Variants in NFIA observed in about 807,000 individuals in gnomAD.
The protein encoded by NFIA is nuclear factor I A.
NFIA carries 8 observed loss-of-function variants against 62.8 expected under a neutral mutation model. That is an observed-to-expected ratio of 0.13 (90% CI 0.07 to 0.23). The LOEUF (loss-of-function observed/expected upper bound fraction) is 0.23. NFIA is among the 10% of genes least tolerant of loss of function. The probability of loss-of-function intolerance (pLI) is 1.00; values close to 1 mark genes in which losing one functional copy is unlikely to be tolerated. For synonymous variants in NFIA, 235 were observed against 238.1 expected, an observed-to-expected ratio of 0.99 and a Z score of 0.12; for missense variants, 410 against 642.1, an observed-to-expected ratio of 0.64 and a Z score of 3.91.
At chr1:61,226,583 T>C (rs771428497) in intron 2 of NFIA, among the ~76,000 whole-genome samples, 23 of 152,192 alleles carry the variant, frequency 1.5e-4, no homozygotes, top group Non-Finnish European at 2.8e-4. Context: ...TGAAAAGGGA[T>C]CTGCAAAGTC....
At chr1:61,408,583 G>GCAAT (rs1440886503) in intron 9 of NFIA, among the ~76,000 whole-genome samples, 1 of 152,130 alleles carries the variant, frequency 6.6e-6, no homozygotes, top group Non-Finnish European at 1.5e-5. Context: ...ATAGTAATAT[G>GCAAT]CAATCAATTC....
intron 6 of NFIA, among the ~76,000 whole-genome samples, chr1:61,379,715 T>G (rs564201196): frequency 1.3e-5 from 2 of 152,034 alleles, no homozygotes; most frequent in Non-Finnish European, 2.9e-5. Flanking sequence ...CTCAGCTAAC[T>G]TTTAAAAATT....
chr1:61,341,930 G>A (rs1274278024), intron 4 of NFIA, among the ~76,000 whole-genome samples: 1 of 152,122 alleles, frequency 6.6e-6, no homozygotes, highest in Non-Finnish European at 1.5e-5. Flanking sequence ...CCCTGCAGTA[G>A]GGCCACAAAT....
intron 3 of NFIA, among the ~76,000 whole-genome samples, chr1:61,278,247 G>A (rs576056179): frequency 6.6e-6 from 1 of 152,166 alleles, no homozygotes; most frequent in East Asian, 1.9e-4. Context: ...TTCGTGGCAG[G>A]CACTACAAGT....
intron 2 of NFIA, among the ~76,000 whole-genome samples, chr1:61,092,817 A>G (rs1200510524): frequency 2.0e-5 from 3 of 152,166 alleles, no homozygotes; most frequent in African/African-American, 7.2e-5. Flanking sequence ...TGACAGATTG[A>G]GAATTCACTT....
chr1:61,294,059 A>G (rs1166152820), intron 3 of NFIA, among the ~76,000 whole-genome samples: 1 of 152,244 alleles, frequency 6.6e-6, no homozygotes, highest in East Asian at 1.9e-4. Flanking sequence ...CAGTGGTCAG[A>G]TTCCCACATT....
At chr1:61,077,508 G>C, upstream of NFIA, 1 of 915,482 alleles carries the variant, frequency 1.1e-6, no homozygotes, top group Non-Finnish European at 1.5e-6. Flanking sequence ...ATCTCTTCCG[G>C]GTTTTCAACG....
intron 4 of NFIA, among the ~76,000 whole-genome samples, chr1:61,348,722 A>T (rs998786827): frequency 1.3e-5 from 2 of 152,204 alleles, no homozygotes; most frequent in African/African-American, 4.8e-5. Flanking sequence ...GTGCAGCTGG[A>T]TGTTCACCAC....
intron 2 of NFIA, among the ~76,000 whole-genome samples, chr1:61,101,224 C>T (rs1364853916): frequency 1.3e-5 from 2 of 151,648 alleles, no homozygotes; most frequent in Non-Finnish European, 2.9e-5. Context: ...GGAGAAACTC[C>T]GTCTCTACTG....
At chr1:61,206,086 C>A (rs1184936851) in intron 2 of NFIA, among the ~76,000 whole-genome samples, 1 of 151,724 alleles carries the variant, frequency 6.6e-6, no homozygotes, top group Non-Finnish European at 1.5e-5. Flanking sequence ...TTTTTATGCC[C>A]AACTAATGTT....
At chr1:61,269,950 C>G (rs12085978) in intron 2 of NFIA, among the ~76,000 whole-genome samples, 6,091 of 152,264 alleles carry the variant, frequency 0.04, 336 homozygotes, top group African/African-American at 0.13. Flanking sequence ...GATAAACAGA[C>G]TTAACACACA....
At chr1:61,241,997 G>A (rs989802755) in intron 2 of NFIA, among the ~76,000 whole-genome samples, 1 of 152,102 alleles carries the variant, frequency 6.6e-6, no homozygotes, top group African/African-American at 2.4e-5. Flanking sequence ...GTGCCTTTTT[G>A]TACTGCTTGC....
At position 61,203,340 on chromosome 1, in the gene NFIA, G is replaced by A. The variant is rs75121004; in HGVS notation, c.560-74180G>A. 1.3e-4 allele frequency among the ~76,000 whole-genome samples: 20 copies of A among 152,222 alleles called. No individual in the cohort carries two copies. The East Asian group carries it at 2.9e-3, about 22-fold the overall frequency. ...ACAGGGAGAAAGTATAAAAGTGAGC[G>A]CTTCAAGTGCTCTAGTGTACATGTC... On this transcript the variant is annotated intron_variant, in intron 2 of 10. Coordinates refer to ENST00000403491, the MANE Select transcript of NFIA (RefSeq NM_001134673.4).
At chr1:61,193,711 A>G (rs540990202) in intron 2 of NFIA, among the ~76,000 whole-genome samples, 7 of 152,352 alleles carry the variant, frequency 4.6e-5, no homozygotes, top group Admixed American at 4.6e-4. Context: ...AACAAGCTGC[A>G]AAACCACTAG....
intron 10 of NFIA, among the ~76,000 whole-genome samples, chr1:61,446,148 C>T (rs1005978478): frequency 6.6e-6 from 1 of 152,198 alleles, no homozygotes; most frequent in Non-Finnish European, 1.5e-5. Flanking sequence ...GTTCAGGCCC[C>T]TCAGCAAGCC....
At chr1:61,284,965 G>A (rs934305685) in intron 3 of NFIA, among the ~76,000 whole-genome samples, 1 of 152,184 alleles carries the variant, frequency 6.6e-6, no homozygotes, top group Non-Finnish European at 1.5e-5. Flanking sequence ...TGTGTATTTA[G>A]AATGTATCTG....
At chr1:61,204,358 C>G (rs987216540) in intron 2 of NFIA, among the ~76,000 whole-genome samples, 2 of 152,192 alleles carry the variant, frequency 1.3e-5, no homozygotes, top group Non-Finnish European at 2.9e-5. Context: ...GAAGGTTGGC[C>G]TGGGCCACAG....
At chr1:61,165,288 T>A (rs1427908433) in intron 2 of NFIA, among the ~76,000 whole-genome samples, 1 of 152,244 alleles carries the variant, frequency 6.6e-6, no homozygotes, top group Non-Finnish European at 1.5e-5. Flanking sequence ...GTTACCTGAT[T>A]TTGGTAATCT....
chr1:61,425,790 T>C (rs1178401357), intron 9 of NFIA, among the ~76,000 whole-genome samples: 1 of 152,192 alleles, frequency 6.6e-6, no homozygotes, highest in African/African-American at 2.4e-5. Flanking sequence ...CAGTGTGATA[T>C]CTTAGTTGAT....
Sources: allele counts gnomAD v4.1 joint callset (sites outside exome capture counted in the v4.1 genomes callset), GRCh38; gene constraint gnomAD v4.1.1; transcripts MANE v1.5; gene names NCBI Gene and HGNC (gene_info 2026-07-23, HGNC 2026-07-21).